The following AP1S3 variants were observed in gnomAD, a reference collection of about 807,000 sequenced individuals.
AP1S3 encodes the protein AP-1 complex subunit sigma-3.
Under a neutral mutation model 20.9 loss-of-function variants are expected in AP1S3, and 10 were observed. That is an observed-to-expected ratio of 0.48 (90% confidence interval 0.29 to 0.81). AP1S3 has a LOEUF of 0.81. Ranked by LOEUF, AP1S3 falls within the 30% of genes least tolerant of loss-of-function variation. The probability of loss-of-function intolerance (pLI) is 0.08; values close to 1 mark genes in which losing one functional copy is unlikely to be tolerated. For synonymous variants in AP1S3, 41 were observed against 61.5 expected, an observed-to-expected ratio of 0.67 and a Z score of 1.56; for missense variants, 154 against 183.8, an observed-to-expected ratio of 0.84 and a Z score of 0.94.
At chr2:223,763,996 G>C (rs1690421044) in intron 4 of AP1S3, among the ~76,000 whole-genome samples, 3 of 152,184 alleles carry the variant, frequency 2.0e-5, no homozygotes, top group Admixed American at 2.0e-4. Flanking sequence ...TCAGCTCACT[G>C]CAACCTCCGC....
At chr2:223,819,020 T>C (rs1691923156) in intron 1 of AP1S3, among the ~76,000 whole-genome samples, 1 of 152,246 alleles carries the variant, frequency 6.6e-6, no homozygotes, top group African/African-American at 2.4e-5. Context: ...TAATAGCCAG[T>C]CTTCATGCTC....
At chr2:223,767,243 C>T (rs1310023676) in intron 3 of AP1S3, among the ~76,000 whole-genome samples, 1 of 152,066 alleles carries the variant, frequency 6.6e-6, no homozygotes, top group Non-Finnish European at 1.5e-5. Flanking sequence ...CAACGTTTAC[C>T]TCTCAGCCAC....
intron 1 of AP1S3, among the ~76,000 whole-genome samples, chr2:223,778,698 C>CT (rs548128939): frequency 0.086 from 12,399 of 143,940 alleles, 850 homozygotes; most frequent in African/African-American, 0.17. Flanking sequence ...TAAATGTAAG[C>CT]TTTTTTTTTT....
chr2:223,811,146 G>A (rs1300622876), intron 1 of AP1S3, among the ~76,000 whole-genome samples: 1 of 151,562 alleles, frequency 6.6e-6, no homozygotes, highest in African/African-American at 2.4e-5. Flanking sequence ...AGGCTGGAGT[G>A]CAGTGGCATT....
rs369185660 is a variant in AP1S3 at position 223,763,916 on chromosome 2, C to CTTAT, written c.429+1293_429+1296dup. 5.9e-4 allele frequency among the ~76,000 whole-genome samples: 90 copies of CTTAT among 152,102 alleles called. 2 individuals carry two copies. Among genetic ancestry groups the CTTAT allele is most frequent in the Middle Eastern group, 6.8e-3 (2 of 294 alleles). On this transcript the variant is annotated intron_variant, in intron 4 of 4. Coordinates refer to ENST00000396654, the MANE Select transcript of AP1S3 (RefSeq NM_001039569.2). ...AAAAGTAGCTTTAATGCCAGTTTTA[C>CTTAT]TTATTTATTTATTTATTTATTTTGA...
In AP1S3 at chr2:223,765,356, G is replaced by A. The variant is rs1690451667; in HGVS notation, c.292-6C>T. On this transcript the variant is annotated splice_region_variant and splice_polypyrimidine_tract_variant and intron_variant, in intron 3 of 4. Transcript: ENST00000396654. ...ATAATATCCAGCTCACAGACCTGGT[G>A]GGACAAAAACAAACGTTTTGATAAA... The A allele has an allele frequency of 6.2e-7, 1 of 1,602,194 alleles. No individual in the cohort carries two copies.
Position 223,809,550 on chromosome 2 carries a change from C to T in AP1S3, c.3+27898G>A, listed in dbSNP as rs192080042. On this transcript the variant is annotated intron_variant, in intron 1 of 4. Transcript: ENST00000396654. ...ATCCCAGCTACTCGGGAGGCTGAGGCAGAGAATTGCTTGAACCCGGGAAGT... is the reference window on the plus strand; with the variant it reads ...ATCCCAGCTACTCGGGAGGCTGAGGTAGAGAATTGCTTGAACCCGGGAAGT... Among the ~76,000 whole-genome samples the T allele has an allele frequency of 2.1e-3, 320 of 151,620 alleles. 2 individuals carry two copies. Among genetic ancestry groups the T allele is most frequent in the Middle Eastern group, 0.014 (4 of 292 alleles).
At chr2:223,805,070 A>C (rs1691548217) in intron 1 of AP1S3, among the ~76,000 whole-genome samples, 1 of 152,260 alleles carries the variant, frequency 6.6e-6, no homozygotes, top group South Asian at 2.1e-4. Context: ...GCAAAGAAAA[A>C]GACAGCATTA....
intron 1 of AP1S3, among the ~76,000 whole-genome samples, chr2:223,817,607 CAAAA>C (rs748661983): frequency 3.7e-5 from 3 of 81,198 alleles, no homozygotes; most frequent in African/African-American, 4.6e-5. Context: ...GACTCCGTCT[CAAAA>C]AAAAAAAAAA....
intron 1 of AP1S3, among the ~76,000 whole-genome samples, chr2:223,811,830 G>A (rs1027722337): frequency 2.6e-5 from 4 of 152,146 alleles, no homozygotes; most frequent in Admixed American, 6.5e-5. Flanking sequence ...TTCTCTGCCT[G>A]TTTGCTATTG....
At chr2:223,779,639 T>A (rs1446213065) in intron 1 of AP1S3, among the ~76,000 whole-genome samples, 1 of 151,998 alleles carries the variant, frequency 6.6e-6, no homozygotes, top group Non-Finnish European at 1.5e-5. Context: ...GAACAAAAAA[T>A]TATTAGATTT....
intron 1 of AP1S3, among the ~76,000 whole-genome samples, chr2:223,829,809 C>A (rs1243328069): frequency 6.6e-6 from 1 of 151,456 alleles, no homozygotes; most frequent in East Asian, 1.9e-4. Flanking sequence ...TGTGCTCCAG[C>A]CTGGGCAACA....
intron 1 of AP1S3, among the ~76,000 whole-genome samples, chr2:223,782,389 T>C (rs1690971774): frequency 6.6e-6 from 1 of 152,192 alleles, no homozygotes; most frequent in Admixed American, 6.5e-5. Flanking sequence ...ATTGGTTCTA[T>C]TTTCAGATCT....
At chr2:223,814,808 AC>A (rs1465105097) in intron 1 of AP1S3, among the ~76,000 whole-genome samples, 2 of 152,102 alleles carry the variant, frequency 1.3e-5, no homozygotes, top group African/African-American at 4.8e-5. Flanking sequence ...ACAGGGTCTT[AC>A]TCTGTCACCC....
Position 223,757,572 on chromosome 2 carries a change from G to A in AP1S3, c.*1143C>T, listed in dbSNP as rs192339113. ...CAAAGTGCTGGGATTACAGGTGTAA[G>A]CCACCACTCCCGGCCTACAAGCTAT... On this transcript the variant is annotated 3_prime_UTR_variant, in exon 5 of 5. Transcript: ENST00000396654. The A allele has an allele frequency of 2.0e-6, 2 of 984,346 alleles. No individual in the cohort carries two copies. The highest frequency in any genetic ancestry group is 1.1e-4 in the East Asian group (1 of 8,764). 61.0% of individuals were successfully genotyped at this position (984,346 alleles called of 1,614,324 possible).
chr2:223,788,568 A>G (rs1467088841), intron 1 of AP1S3, among the ~76,000 whole-genome samples: 54 of 147,792 alleles, frequency 3.7e-4, no homozygotes, highest in African/African-American at 1.4e-3. Flanking sequence ...CCTGGCTAAC[A>G]TGGTGAAACC....
intron 1 of AP1S3, among the ~76,000 whole-genome samples, chr2:223,835,939 C>G (rs1034499796): frequency 4.6e-5 from 7 of 152,198 alleles, no homozygotes; most frequent in Non-Finnish European, 8.8e-5. Context: ...CACCTTGTTC[C>G]TTGGGAAACT....
intron 1 of AP1S3, among the ~76,000 whole-genome samples, chr2:223,778,699 T>C (rs1421134475): frequency 8.2e-6 from 1 of 121,292 alleles, no homozygotes; most frequent in East Asian, 2.9e-4. Flanking sequence ...AAATGTAAGC[T>C]TTTTTTTTTT....
chr2:223,766,099 T>C (rs1278255005), intron 3 of AP1S3, among the ~76,000 whole-genome samples: 6 of 152,164 alleles, frequency 3.9e-5, no homozygotes, highest in African/African-American at 1.4e-4. Context: ...ACACCATCCT[T>C]GCTGTCTTAC....
Sources: gnomAD v4.1 joint callset for allele counts (sites outside exome capture counted in the v4.1 genomes callset) on GRCh38, gnomAD v4.1.1 for gene constraint, MANE v1.5 for transcripts, NCBI Gene and HGNC (gene_info 2026-07-23, HGNC 2026-07-21) for gene names.